Variants in GARIN5B observed in about 807,000 individuals in gnomAD.
The protein encoded by GARIN5B is golgi associated RAB2 interactor family member 5B, also known as Golgi-associated RAB2 interactor protein 5B.
the GARIN5B span, chr19:55,360,629 C>T: frequency 3.7e-5 from 57 of 1,527,682 alleles, no homozygotes; most frequent in African/African-American, 7.3e-4. Context: ...CCCAGGAGTC[C>T]AGGCCTCCAG....
the GARIN5B span, chr19:55,359,995 G>A: frequency 6.5e-7 from 1 of 1,530,792 alleles, no homozygotes; most frequent in Non-Finnish European, 8.8e-7. Context: ...GGTGGACAGA[G>A]GGGAGAGGAT....
chr19:55,360,751 G>T, the GARIN5B span: 1 of 1,551,646 alleles, frequency 6.4e-7, no homozygotes, highest in Admixed American at 2.0e-5. Flanking sequence ...GATGGTCCAG[G>T]TGGTGATGCT....
the GARIN5B span, chr19:55,359,300 G>A: frequency 8.4e-6 from 13 of 1,551,054 alleles, no homozygotes; most frequent in East Asian, 2.4e-5. Context: ...CTTTGGAGCA[G>A]TGGGGGACAC....
At chr19:55,360,609 C>T in the GARIN5B span, 1 of 1,479,582 alleles carries the variant, frequency 6.8e-7, no homozygotes, top group Non-Finnish European at 9.1e-7. Context: ...CCAGCCTCTC[C>T]TCCCTCAGAC....
chr19:55,362,577 C>G, the GARIN5B span: 1 of 1,538,496 alleles, frequency 6.5e-7, no homozygotes. Context: ...GGATGCGGCA[C>G]CTGGTCAGCA....
chr19:55,359,868 A>T, the GARIN5B span: 2 of 1,551,494 alleles, frequency 1.3e-6, no homozygotes, highest in African/African-American at 2.7e-5. Context: ...GGGTCCAGGG[A>T]GCTGCAGGAG....
the GARIN5B span, among the ~76,000 whole-genome samples, chr19:55,362,076 A>G: frequency 0.081 from 11,744 of 144,802 alleles, 560 homozygotes; most frequent in Middle Eastern, 0.14. Context: ...CCAGGCCCCC[A>G]GCATCTCCTC....
the GARIN5B span, chr19:55,362,557 A>C: frequency 1.3e-6 from 1 of 784,674 alleles, no homozygotes; most frequent in Non-Finnish European, 1.7e-6. Flanking sequence ...GGGGCGGCCG[A>C]GGGGTTGGGG....
At chr19:55,355,352 G>A in the GARIN5B span, 14 of 1,550,310 alleles carry the variant, frequency 9.0e-6, no homozygotes, top group African/African-American at 1.4e-5. Context: ...CAGGCTGCAG[G>A]GAGAAAGCAA....
the GARIN5B span, chr19:55,358,050 T>TC: frequency 1.1e-6 from 1 of 873,644 alleles, no homozygotes; most frequent in Non-Finnish European, 1.5e-6. Flanking sequence ...TGAGACCCTG[T>TC]CAAAAAAAAA....
chr19:55,356,362 A>ACC, the GARIN5B span, among the ~76,000 whole-genome samples: 1 of 149,312 alleles, frequency 6.7e-6, no homozygotes, highest in African/African-American at 2.5e-5. Context: ...GGCACATGGC[A>ACC]CCATGCCTAG....
At chr19:55,355,061 C>T in the GARIN5B span, 2 of 331,418 alleles carry the variant, frequency 6.0e-6, no homozygotes, top group Non-Finnish European at 1.2e-5. Context: ...CAACATTCCG[C>T]TTCCTACAGT....
chr19:55,356,214 AAAAAG>A, the GARIN5B span, among the ~76,000 whole-genome samples: 92 of 152,036 alleles, frequency 6.1e-4, no homozygotes, highest in African/African-American at 1.8e-3. Context: ...TCTAAAAAAA[AAAAAG>A]AAAAGAAAAG....
the GARIN5B span, chr19:55,359,812 GC>G: frequency 2.6e-6 from 4 of 1,551,408 alleles, no homozygotes; most frequent in Non-Finnish European, 3.5e-6. Context: ...ACAAAGTGCT[GC>G]CCCCAGAGTC....
the GARIN5B span, chr19:55,358,454 G>T: frequency 2.6e-6 from 4 of 1,525,774 alleles, no homozygotes; most frequent in African/African-American, 1.4e-5. Flanking sequence ...CTTCAGACTG[G>T]CAGAGGTGGG....
chr19:55,358,199 G>A, the GARIN5B span: 2 of 1,543,172 alleles, frequency 1.3e-6, no homozygotes, highest in Non-Finnish European at 1.8e-6. Flanking sequence ...TGCCTTGGTG[G>A]CCGTGTTCCT....
the GARIN5B span, chr19:55,361,437 G>A: frequency 2.0e-6 from 3 of 1,498,554 alleles, no homozygotes; most frequent in East Asian, 2.5e-5. Flanking sequence ...GGCTGGTCCT[G>A]CAGAGATAGA....
At chr19:55,358,840 C>G in the GARIN5B span, 1 of 1,546,900 alleles carries the variant, frequency 6.5e-7, no homozygotes, top group South Asian at 1.2e-5. Context: ...CGGCCAGTTC[C>G]TTGGCCTTGA....
At chr19:55,360,852 C>T in the GARIN5B span, 8 of 1,548,604 alleles carry the variant, frequency 5.2e-6, no homozygotes, top group Non-Finnish European at 6.1e-6. Flanking sequence ...GTTGATCTTA[C>T]CAGGCAAGCG....
Sources: gnomAD v4.1 joint callset for allele counts (sites outside exome capture counted in the v4.1 genomes callset) on GRCh38, gnomAD v4.1.1 for gene constraint, MANE v1.5 for transcripts, NCBI Gene and HGNC (gene_info 2026-07-23, HGNC 2026-07-21) for gene names.